USH2A: variants seen among roughly 807,000 people sequenced by gnomAD.
USH2A encodes the protein usherin.
Under a neutral mutation model 538.9 loss-of-function variants are expected in USH2A, and 443 were observed. The observed-to-expected ratio is 0.82, with a 90% confidence interval of 0.76 to 0.89. The LOEUF (loss-of-function observed/expected upper bound fraction) is 0.89, where lower values mean the gene tolerates loss of function less well. Ranked by LOEUF, USH2A falls within the 40% of genes least tolerant of loss-of-function variation. The probability of loss-of-function intolerance (pLI) is 0.00; values close to 1 mark genes in which losing one functional copy is unlikely to be tolerated. For missense variants in USH2A, 6,633 were observed against 6,324.8 expected, an observed-to-expected ratio of 1.05 and a Z score of -1.65; for synonymous variants, 2,413 against 2,273.5, an observed-to-expected ratio of 1.06 and a Z score of -1.75.
chr1:216,008,072 T>G (rs1368162536), intron 32 of USH2A, among the ~76,000 whole-genome samples: 1 of 152,290 alleles, frequency 6.6e-6, no homozygotes, highest in East Asian at 1.9e-4. Context: ...TAAGATAAGC[T>G]AATTCACACC....
intron 11 of USH2A, among the ~76,000 whole-genome samples, chr1:216,256,494 A>G (rs1469962781): frequency 9.9e-5 from 15 of 151,968 alleles, no homozygotes; most frequent in Admixed American, 9.8e-4. Flanking sequence ...GAGTATAAGG[A>G]TCTTACAACG....
At chr1:216,138,940 GTGTA>G (rs1170009917) in intron 21 of USH2A, among the ~76,000 whole-genome samples, 27 of 151,340 alleles carry the variant, frequency 1.8e-4, no homozygotes, top group African/African-American at 2.9e-4. Flanking sequence ...GTGTGTGTGT[GTGTA>G]TATATATGTG....
At chr1:215,661,190 G>A (rs1657425180) in intron 64 of USH2A, among the ~76,000 whole-genome samples, 1 of 152,164 alleles carries the variant, frequency 6.6e-6, no homozygotes, top group South Asian at 2.1e-4. Flanking sequence ...GGGACGAGCT[G>A]GTTTTTCCCC....
intron 61 of USH2A, among the ~76,000 whole-genome samples, chr1:215,685,983 T>C (rs1658412315): frequency 6.6e-6 from 1 of 152,088 alleles, no homozygotes; most frequent in South Asian, 2.1e-4. Context: ...CCATGGCCTA[T>C]TGTTTAGTGT....
intron 9 of USH2A, among the ~76,000 whole-genome samples, chr1:216,308,708 T>C (rs1392148010): frequency 2.0e-5 from 3 of 152,230 alleles, no homozygotes; most frequent in Admixed American, 6.5e-5. Context: ...TCTGGTTCTA[T>C]AAAATTCTGC....
intron 61 of USH2A, among the ~76,000 whole-genome samples, chr1:215,681,360 G>A (rs1473703458): frequency 7.2e-6 from 1 of 139,226 alleles, no homozygotes; most frequent in Admixed American, 7.3e-5. Context: ...CACACACACT[G>A]GCATTTTCTG....
intron 37 of USH2A, 97 bp downstream of exon 37, chr1:215,965,219 TG>T (rs1667308547): frequency 1.5e-6 from 2 of 1,345,964 alleles, no homozygotes; most frequent in East Asian, 5.0e-5. Context: ...AACCAACATC[TG>T]TGGCTAAAAG....
intron 3 of USH2A, among the ~76,000 whole-genome samples, chr1:216,374,957 G>A (rs537761610): frequency 1.2e-4 from 18 of 152,106 alleles, no homozygotes; most frequent in African/African-American, 3.4e-4. Context: ...AAGTAGATTC[G>A]TGCTATTTCA....
intron 37 of USH2A, among the ~76,000 whole-genome samples, chr1:215,946,043 T>C (rs78166469): frequency 0.032 from 4,894 of 152,282 alleles, 125 homozygotes; most frequent in South Asian, 0.084. Flanking sequence ...TACTGCCAAG[T>C]GCCATTACAT....
chr1:216,188,550 A>T (rs2034653014), intron 20 of USH2A, among the ~76,000 whole-genome samples: 1 of 151,886 alleles, frequency 6.6e-6, no homozygotes, highest in Admixed American at 6.6e-5. Context: ...TAGGTTAACG[A>T]CAGCCCCCAA....
At chr1:215,975,917 C>A (rs1667610340) in intron 35 of USH2A, among the ~76,000 whole-genome samples, 1 of 152,114 alleles carries the variant, frequency 6.6e-6, no homozygotes, top group African/African-American at 2.4e-5. Flanking sequence ...GCACTATGGC[C>A]ATTTTAGTGA....
chr1:215,950,674 A>T (rs1212641805), intron 37 of USH2A, among the ~76,000 whole-genome samples: 1 of 149,900 alleles, frequency 6.7e-6, no homozygotes, highest in Admixed American at 6.7e-5. Context: ...TCCGGCTAAT[A>T]TTTTTTTTTG....
chr1:215,840,122 C>G (rs1371641090), intron 46 of USH2A, among the ~76,000 whole-genome samples: 1 of 121,812 alleles, frequency 8.2e-6, no homozygotes, highest in Non-Finnish European at 1.6e-5. Flanking sequence ...GAGATCGTGC[C>G]AATGCACTCC....
chr1:216,029,965 T>C (rs1669057518), intron 32 of USH2A, among the ~76,000 whole-genome samples: 1 of 128,762 alleles, frequency 7.8e-6, no homozygotes, highest in Non-Finnish European at 1.7e-5. Flanking sequence ...ATGTGATAGA[T>C]AGATAGAGAG....
At chr1:216,315,623 A>G (rs1170838339) in intron 9 of USH2A, among the ~76,000 whole-genome samples, 1 of 152,290 alleles carries the variant, frequency 6.6e-6, no homozygotes, top group East Asian at 1.9e-4. Context: ...TTGATGTAAA[A>G]AGAAAAAAAC....
chr1:215,965,487 T>A lies in USH2A; in HGVS notation c.6958-8A>T, dbSNP rs769264662. 4 of 1,613,188 alleles carry A rather than the reference T, an allele frequency of 2.5e-6. No homozygotes were observed. In the East Asian group the frequency reaches 8.9e-5, roughly 36 times the overall value. On this transcript the variant is annotated splice_polypyrimidine_tract_variant and splice_region_variant and intron_variant, in intron 36 of 71. Coordinates refer to ENST00000307340, the MANE Select transcript of USH2A (RefSeq NM_206933.4). ...TAGAGTTCGATTTTCCACCTGTGAGTATAAAAAGATTTATTTTTGTTTGCA... is the reference window on the plus strand; with the variant it reads ...TAGAGTTCGATTTTCCACCTGTGAGAATAAAAAGATTTATTTTTGTTTGCA...
chr1:215,720,547 A>T (rs1197150440), intron 61 of USH2A, among the ~76,000 whole-genome samples: 1 of 152,214 alleles, frequency 6.6e-6, no homozygotes, highest in Non-Finnish European at 1.5e-5. Flanking sequence ...TTCATCCAGC[A>T]TGATAGGTCA....
rs758006384 is a variant in USH2A at position 216,289,256 on chromosome 1, C to A, written c.1971+24G>T. On this transcript the variant is annotated intron_variant, in intron 11 of 71. Transcript: ENST00000307340. ...TTCTGGCAGACAGAGTAATCCTTTACCTTAAATACTCAGAAAAACTCACCT... is the reference window on the plus strand; with the variant it reads ...TTCTGGCAGACAGAGTAATCCTTTAACTTAAATACTCAGAAAAACTCACCT... 4.3e-6 allele frequency: 7 copies of A among 1,613,432 alleles called. No homozygotes were observed. In the Admixed American group the frequency reaches 1.2e-4, roughly 27 times the overall value.
intron 35 of USH2A, among the ~76,000 whole-genome samples, chr1:215,978,887 G>A (rs1667683360): frequency 6.6e-6 from 1 of 152,140 alleles, no homozygotes. Flanking sequence ...AATGACATTT[G>A]CCACTGCCTA....
Sources: allele counts gnomAD v4.1 joint callset (sites outside exome capture counted in the v4.1 genomes callset), GRCh38; gene constraint gnomAD v4.1.1; transcripts MANE v1.5; gene names NCBI Gene and HGNC (gene_info 2026-07-23, HGNC 2026-07-21).